Variants in CORO7 observed in about 807,000 individuals in gnomAD.
The protein encoded by CORO7 is coronin-7.
In CORO7, 107 loss-of-function variants were observed where a neutral mutation model predicts 126.6. The ratio of observed to expected loss-of-function variants is 0.85; its 90% CI spans 0.72 to 0.99. The LOEUF (loss-of-function observed/expected upper bound fraction) is 0.99. CORO7 is among the 50% of genes least tolerant of loss of function. CORO7 has a pLI of 0.00. For missense variants in CORO7, 1,314 were observed against 1,255.8 expected, an observed-to-expected ratio of 1.05 and a Z score of -0.70; for synonymous variants, 603 against 536.8, an observed-to-expected ratio of 1.12 and a Z score of -1.70.
chr16:4,415,900 A>C (rs963126908), intron 1 of CORO7: 3 of 985,654 alleles, frequency 3.0e-6, no homozygotes, highest in African/African-American at 1.7e-5. Context: ...AGATAAAGAA[A>C]GAGCTTGCGC....
chr16:4,362,597 G>C lies in CORO7; in HGVS notation c.1402+15C>G, dbSNP rs79978563. The C allele has an allele frequency of 1.3e-6, 2 of 1,548,240 alleles. No individual in the cohort carries two copies. Among genetic ancestry groups the C allele is most frequent in the Non-Finnish European group, 1.7e-6 (2 of 1,150,432 alleles). On this transcript the variant is annotated intron_variant, in intron 15 of 27. Transcript: ENST00000251166. This position sits in a 1 kb window ranked among gnomAD's most constrained non-coding sequence, Gnocchi z 5.3. Reference sequence around the variant, plus strand: ...CTCCTGCGGTAGGGGTGAGCTCCCCGTCCTGCCTCCTTACCCAGCAGGCTC... The same window carrying C: ...CTCCTGCGGTAGGGGTGAGCTCCCCCTCCTGCCTCCTTACCCAGCAGGCTC...
intron 20 of CORO7, 37 bp downstream of exon 20, chr16:4,360,407 C>T (rs2054126656): frequency 5.6e-6 from 9 of 1,613,236 alleles, no homozygotes; most frequent in Non-Finnish European, 5.9e-6. Flanking sequence ...ACCCCTGAAC[C>T]AGGTCTGAGG....
intron 9 of CORO7, among the ~76,000 whole-genome samples, chr16:4,371,414 C>G (rs1191361359): frequency 6.6e-6 from 1 of 152,180 alleles, no homozygotes; most frequent in Admixed American, 6.5e-5. Context: ...TTTCCAGTTT[C>G]TCTTCAAAAA....
rs1276792035 is a variant in CORO7, at chr16:4,359,274, C to T, written c.2340+22G>A. ...GGCAGCCTTGTGGTCCCATCGGGGA[C>T]GAGGCGCCAGGGTGGCCTCACCTTG... On this transcript the variant is annotated intron_variant, in intron 23 of 27. Transcript: ENST00000251166. 16 of 1,578,078 alleles carry T rather than the reference C, an allele frequency of 1.0e-5. No homozygotes were observed. The Admixed American group carries it at 1.1e-4, about 11-fold the overall frequency.
chr16:4,358,004 AG>A lies in CORO7; in HGVS notation c.2556del (p.Trp853GlyfsTer10), dbSNP rs1416916722. ...EAWLQGANGQ[P>X]WLLSLQPPDM... ...TCAGGAGGCTGCAGGCTGAGAAGCC[AG>A]GGCTGCCCATTAGCGCCTTGCAGCC... On this transcript the variant is annotated frameshift_variant, in exon 25 of 28. Coordinates refer to ENST00000251166, the MANE Select transcript of CORO7 (RefSeq NM_024535.5). LOFTEE classifies it high-confidence loss of function. The A allele has an allele frequency of 6.2e-7, 1 of 1,611,574 alleles. No homozygotes were observed. Among genetic ancestry groups the A allele is most frequent in the South Asian group, 1.1e-5 (1 of 91,034 alleles).
Position 4,355,116 on chromosome 16 carries a change from G to A in CORO7, c.*42C>T. 1 of 1,481,146 alleles carries A rather than the reference G, an allele frequency of 6.8e-7. No individual in the cohort carries two copies. Among genetic ancestry groups the A allele is most frequent in the Non-Finnish European group, 9.0e-7 (1 of 1,110,808 alleles). The allele number at this position is 1,481,146 out of a possible 1,614,324, so 91.8% of individuals were successfully genotyped here. On this transcript the variant is annotated 3_prime_UTR_variant, in exon 28 of 28. Transcript: ENST00000251166. ...GGATGAGCCGTGAGGTGTGCACTAG[G>A]AAGTGGCAGCACAGGTGAGGTGGAG...
intron 9 of CORO7, chr16:4,383,025 A>C: frequency 9.3e-7 from 1 of 1,071,064 alleles, no homozygotes; most frequent in Non-Finnish European, 1.3e-6. Context: ...GGGCTGTGTG[A>C]CCACAGCTGG....
chr16:4,401,706 G>T (rs775784665), intron 6 of CORO7, among the ~76,000 whole-genome samples: 3 of 152,122 alleles, frequency 2.0e-5, no homozygotes, highest in African/African-American at 4.8e-5. Context: ...AGATACAGGG[G>T]ACAGCAGGAG....
chr16:4,385,564 C>T (rs535953369), intron 9 of CORO7, among the ~76,000 whole-genome samples: 5 of 152,304 alleles, frequency 3.3e-5, no homozygotes, highest in East Asian at 1.9e-4. Context: ...GCTGCCAGTC[C>T]CTCTCGTTAT....
At chr16:4,387,407 C>T (rs2055230896) in intron 9 of CORO7, among the ~76,000 whole-genome samples, 1 of 152,144 alleles carries the variant, frequency 6.6e-6, no homozygotes, top group South Asian at 2.1e-4. Context: ...CCTGGAGCCC[C>T]CCAGGCTGCC....
intron 9 of CORO7, among the ~76,000 whole-genome samples, chr16:4,376,469 G>A (rs2054735300): frequency 6.6e-6 from 1 of 152,182 alleles, no homozygotes; most frequent in Non-Finnish European, 1.5e-5. Flanking sequence ...ATACGGCACA[G>A]GAGGGGCGTA....
intron 7 of CORO7, among the ~76,000 whole-genome samples, chr16:4,390,363 G>A (rs1190026597): frequency 6.6e-6 from 1 of 152,204 alleles, no homozygotes; most frequent in Non-Finnish European, 1.5e-5. Context: ...AGGAGTAAGA[G>A]GGAACACTTG....
In CORO7 at chr16:4,398,829, TTGG is replaced by T. The variant is rs1205948120; in HGVS notation, c.565-3493_565-3491del. Among the ~76,000 whole-genome samples the T allele has an allele frequency of 2.0e-5, 3 of 149,664 alleles. No homozygotes were observed. The East Asian group carries it at 5.9e-4, about 30-fold the overall frequency. On this transcript the variant is annotated intron_variant, in intron 6 of 27. Coordinates refer to ENST00000251166, the MANE Select transcript of CORO7 (RefSeq NM_024535.5). ...CTAAAAATACAAAAATTAGCTGGGT[TTGG>T]TGGTGTGAGACTGTGTTCCCAGCTA...
At position 4,355,075 on chromosome 16, in the gene CORO7, G is replaced by A; in HGVS notation, c.*83C>T. The A allele has an allele frequency of 2.9e-6, 4 of 1,400,052 alleles. No individual in the cohort carries two copies. Among genetic ancestry groups the A allele is most frequent in the Non-Finnish European group, 2.8e-6 (3 of 1,058,914 alleles). The allele number at this position is 1,400,052 out of a possible 1,614,324, so 86.7% of individuals were successfully genotyped here. On this transcript the variant is annotated 3_prime_UTR_variant, in exon 28 of 28. Coordinates refer to ENST00000251166, the MANE Select transcript of CORO7 (RefSeq NM_024535.5). ...GGTGACATGTGCCGGGGCCAGAGAG[G>A]TATCTTCCAGCTTGAGGATGAGCCG...
Position 4,355,140 on chromosome 16 carries a change from A to C in CORO7, c.*18T>G, listed in dbSNP as rs2053932759. 1.3e-6 allele frequency: 2 copies of C among 1,499,968 alleles called. No individual in the cohort carries two copies. Among genetic ancestry groups the C allele is most frequent in the Non-Finnish European group, 1.8e-6 (2 of 1,119,968 alleles). 92.9% of individuals were successfully genotyped at this position (1,499,968 alleles called of 1,614,324 possible). A position where few individuals can be genotyped will look rare whatever the true frequency, so the allele number is the denominator to read the frequency against. On this transcript the variant is annotated 3_prime_UTR_variant, in exon 28 of 28. Coordinates refer to ENST00000251166, the MANE Select transcript of CORO7 (RefSeq NM_024535.5). ...GGAAGTGGCAGCACAGGTGAGGTGG[A>C]GGTGACGGGGGCGCAGGCTAGTCCT...
At chr16:4,400,774 C>T (rs1255272105) in intron 6 of CORO7, among the ~76,000 whole-genome samples, 4 of 150,324 alleles carry the variant, frequency 2.7e-5, no homozygotes, top group Middle Eastern at 3.2e-3. Flanking sequence ...GAGCTGAGAT[C>T]GTGCCAATGC....
chr16:4,359,329 C>T lies in CORO7; in HGVS notation c.2307G>A (p.Glu769=). ...ELLPESPFFL[E]CNSFTSPDPH... ...GGTCAGGCGACGTGAAGCTGTTGCA[C>T]TCCAGGAAGAAAGGGGACTCGGGGA... Residue 769 remains glutamate (E), a synonymous_variant, in exon 23 of 28, where the codon GAG becomes GAA. Transcript: ENST00000251166. 2 of 1,612,244 alleles carry T rather than the reference C, an allele frequency of 1.2e-6. No homozygotes were observed.
At chr16:4,375,762 A>G (rs1208256277) in intron 9 of CORO7, among the ~76,000 whole-genome samples, 4 of 152,230 alleles carry the variant, frequency 2.6e-5, no homozygotes, top group Non-Finnish European at 5.9e-5. Context: ...TACTGGGATT[A>G]CAGGCGTGAG....
chr16:4,410,450 G>C (rs576003606), intron 3 of CORO7, among the ~76,000 whole-genome samples: 1 of 152,144 alleles, frequency 6.6e-6, no homozygotes, highest in East Asian at 1.9e-4. Context: ...CCAAACACAG[G>C]CTCCTATAGA....
Sources: allele counts gnomAD v4.1 joint callset (sites outside exome capture counted in the v4.1 genomes callset), GRCh38; gene constraint gnomAD v4.1.1; non-coding constraint Gnocchi (gnomAD v3.1); transcripts MANE v1.5; gene names NCBI Gene and HGNC (gene_info 2026-07-23, HGNC 2026-07-21).